The following KIF13A variants were observed in gnomAD, a reference collection of about 807,000 sequenced individuals.
The protein encoded by KIF13A is kinesin-like protein KIF13A.
KIF13A carries 79 observed loss-of-function variants against 212.2 expected under a neutral mutation model. The ratio of observed to expected loss-of-function variants is 0.37; its 90% CI spans 0.31 to 0.45. The LOEUF (loss-of-function observed/expected upper bound fraction) is 0.45. Among genes scored for constraint, KIF13A ranks in the 20% least tolerant of loss-of-function variants. The pLI is 1.00. For synonymous variants in KIF13A, 789 were observed against 808.6 expected (o/e 0.98, Z 0.41); for missense variants, 1,901 against 2,209.0 (o/e 0.86, Z 2.79).
At chr6:17,862,166 C>T (rs911747537) in intron 4 of KIF13A, among the ~76,000 whole-genome samples, 18 of 152,140 alleles carry the variant, frequency 1.2e-4, no homozygotes, top group African/African-American at 4.1e-4. Flanking sequence ...TAGATGTGCA[C>T]CACCACTGTT....
At chr6:17,887,213 A>G (rs1192647053) in intron 3 of KIF13A, among the ~76,000 whole-genome samples, 2 of 152,206 alleles carry the variant, frequency 1.3e-5, no homozygotes, top group Non-Finnish European at 2.9e-5. Flanking sequence ...AGCAAGTCCC[A>G]GATAGGGGTT....
At chr6:17,831,700 A>C (rs1382180526) in intron 12 of KIF13A, among the ~76,000 whole-genome samples, 1 of 148,216 alleles carries the variant, frequency 6.7e-6, no homozygotes, top group African/African-American at 2.5e-5. Flanking sequence ...AGCACACTAA[A>C]GAAAGGTTCT....
intron 6 of KIF13A, among the ~76,000 whole-genome samples, chr6:17,854,127 C>T (rs1221276349): frequency 2.0e-5 from 3 of 152,108 alleles, no homozygotes; most frequent in Non-Finnish European, 1.5e-5. Flanking sequence ...GGTCAAAATG[C>T]ACCAAAGTGT....
chr6:17,867,420 A>G (rs1769510989), intron 4 of KIF13A, among the ~76,000 whole-genome samples: 1 of 152,244 alleles, frequency 6.6e-6, no homozygotes, highest in Non-Finnish European at 1.5e-5. Flanking sequence ...TCAAGTAGCA[A>G]CTACTAGCAT....
rs758427672 is a variant in KIF13A, at chr6:17,836,911, G to A, written c.1122C>T (p.Val374=). ...GAGAGAGCTGCTCTCTCAGTTTCTCGACTTCCTCCCGCAGTTCTCGGATCA... is the reference window on the plus strand; with the variant it reads ...GAGAGAGCTGCTCTCTCAGTTTCTCAACTTCCTCCCGCAGTTCTCGGATCA... ...AKVIRELREE[V]EKLREQLSQA... is the part of the protein sequence containing the mutation. The change falls in exon 11 of 39, where the codon GTC becomes GTT. Residue 374 remains valine (V), a synonymous_variant. Coordinates refer to ENST00000259711, the MANE Select transcript of KIF13A (RefSeq NM_022113.6). 1.9e-6 allele frequency: 3 copies of A among 1,613,682 alleles called. No individual in the cohort carries two copies. Among genetic ancestry groups the A allele is most frequent in the African/African-American group, 2.7e-5 (2 of 74,868 alleles).
In KIF13A at chr6:17,961,498, A is replaced by G. The variant is rs1269513866; in HGVS notation, c.146+25556T>C. On this transcript the variant is annotated intron_variant, in intron 2 of 38. Coordinates refer to ENST00000259711, the MANE Select transcript of KIF13A (RefSeq NM_022113.6). The surrounding 1 kb of genome is among the most constrained non-coding windows in gnomAD (Gnocchi z 4.1). ...CATGTAGAGTCAAATTGAACTTTTA[A>G]TATTTTACCAACTGACTACCATAAA... 6.6e-6 allele frequency among the ~76,000 whole-genome samples: 1 copy of G among 152,210 alleles called. No individual in the cohort carries two copies. Among genetic ancestry groups the G allele is most frequent in the Non-Finnish European group, 1.5e-5 (1 of 68,042 alleles).
At chr6:17,763,492 A>AAG (rs1403081829), downstream of KIF13A, among the ~76,000 whole-genome samples, 1 of 145,684 alleles carries the variant, frequency 6.9e-6, no homozygotes, top group Non-Finnish European at 1.5e-5. Context: ...AAAAAAAAAA[A>AAG]AAAGAAAAAA....
rs1283603645 is a variant in KIF13A at position 17,971,415 on chromosome 6, C to T, written c.146+15639G>A. ...ATAATAAAATATTAAAATTTAGTAG[C>T]GGTTTGTTTTTTTCCTTTTTTTTTG... is the stretch of plus-strand genomic sequence containing the variant. On this transcript the variant is annotated intron_variant, in intron 2 of 38. Coordinates refer to ENST00000259711, the MANE Select transcript of KIF13A (RefSeq NM_022113.6). The surrounding 1 kb of genome is among the most constrained non-coding windows in gnomAD (Gnocchi z 4.2). Among the ~76,000 whole-genome samples the T allele has an allele frequency of 6.6e-6, 1 of 151,910 alleles. No individual in the cohort carries two copies. The highest frequency in any genetic ancestry group is 2.4e-5 in the African/African-American group (1 of 41,342).
At chr6:17,763,305 T>C (rs1249695793), downstream of KIF13A, among the ~76,000 whole-genome samples, 1 of 150,760 alleles carries the variant, frequency 6.6e-6, no homozygotes, top group Non-Finnish European at 1.5e-5. Flanking sequence ...GCCAACATGG[T>C]GAAAATATAA....
At chr6:17,782,991 C>T (rs991485433) in intron 29 of KIF13A, among the ~76,000 whole-genome samples, 72 of 152,180 alleles carry the variant, frequency 4.7e-4, no homozygotes, top group African/African-American at 1.7e-3. Context: ...GCCAAAGCCA[C>T]CCTCCCTGTG....
In KIF13A at chr6:17,837,517, G is replaced by A; in HGVS notation, c.897C>T (p.Ser299=). 6.2e-7 allele frequency: 1 copy of A among 1,609,708 alleles called. No homozygotes were observed. The highest frequency in any genetic ancestry group is 8.5e-7 in the Non-Finnish European group (1 of 1,177,900). ...CTGAATCTCGATAAGGCACAAATTT[G>A]CTTTTACCCTTGCCAGCTGCCTGGT... ...LADQAAGKGK[S]KFVPYRDSVL... is the part of the protein sequence containing the mutation. Residue 299 remains serine (S), a synonymous_variant, in exon 10 of 39, where the codon AGC becomes AGT. Coordinates refer to ENST00000259711, the MANE Select transcript of KIF13A (RefSeq NM_022113.6). The surrounding 1 kb of genome is among the most constrained non-coding windows in gnomAD (Gnocchi z 5.4).
intron 2 of KIF13A, among the ~76,000 whole-genome samples, chr6:17,977,038 C>T (rs1371629912): frequency 6.7e-6 from 1 of 149,802 alleles, no homozygotes; most frequent in East Asian, 2.0e-4. Context: ...GGAAGCAGAG[C>T]TTGCAGTGAG....
chr6:17,817,059 T>C lies in KIF13A; in HGVS notation c.1961A>G (p.Gln654Arg). The change falls in exon 17 of 39, where the codon CAG (glutamine) becomes CGG (arginine). Residue 654 changes from glutamine to arginine, a missense_variant. Around this residue, in one of 5 missense-constraint regions of KIF13A, gnomAD observed 534 missense variants for 536.9 expected, o/e 0.99. Transcript: ENST00000259711. ...SGPDRLAYSS[Q>R]TAQQKVTQWA... The stretch of plus-strand genomic sequence containing the variant: ...CTGGGTCACCTTCTGCTGCGCTGTC[T>C]GGCTGCTGTAGGCCAGGCGGTCAGG... 6.2e-7 allele frequency: 1 copy of C among 1,613,444 alleles called. No individual in the cohort carries two copies. The highest frequency in any genetic ancestry group is 8.5e-7 in the Non-Finnish European group (1 of 1,179,842).
Position 17,982,100 on chromosome 6 carries a change from CT to C in KIF13A, c.146+4953del, listed in dbSNP as rs60619103. ...ATTATATACTTACCAACTGAGCATT[CT>C]TTTTTTTTTTTGAGACAGAGTTTCA... On this transcript the variant is annotated intron_variant, in intron 2 of 38. Transcript: ENST00000259711. This position sits in a 1 kb window ranked among gnomAD's most constrained non-coding sequence, Gnocchi z 5.1. Among the ~76,000 whole-genome samples, 93 of 146,552 alleles carry C rather than the reference CT, an allele frequency of 6.3e-4. No individual in the cohort carries two copies. Among genetic ancestry groups the C allele is most frequent in the Non-Finnish European group, 4.8e-4 (32 of 66,208 alleles).
Position 17,934,036 on chromosome 6 carries a change from C to T in KIF13A, c.147-35856G>A, listed in dbSNP as rs1304759630. Among the ~76,000 whole-genome samples the T allele has an allele frequency of 6.6e-6, 1 of 152,188 alleles. No homozygotes were observed. The highest frequency in any genetic ancestry group is 2.4e-5 in the African/African-American group (1 of 41,436). On this transcript the variant is annotated intron_variant, in intron 2 of 38. Transcript: ENST00000259711. This position sits in a 1 kb window ranked among gnomAD's most constrained non-coding sequence, Gnocchi z 5.4. The stretch of plus-strand genomic sequence containing the variant: ...AGATAAAGAAAGCTGCCTTTTATAA[C>T]TCAATTCAATCTAAATTGTGTCGTT...
At chr6:17,901,105 G>C (rs1314229181) in intron 2 of KIF13A, among the ~76,000 whole-genome samples, 1 of 141,138 alleles carries the variant, frequency 7.1e-6, no homozygotes, top group African/African-American at 2.7e-5. Flanking sequence ...AAAAAAAAAA[G>C]GTCCAATCAC....
At chr6:17,821,284 T>C (rs1374055966) in intron 16 of KIF13A, among the ~76,000 whole-genome samples, 1 of 152,218 alleles carries the variant, frequency 6.6e-6, no homozygotes, top group East Asian at 1.9e-4. Flanking sequence ...GGTTTCTTTT[T>C]ACTTTTAATT....
chr6:17,818,703 CGG>C (rs921808655), intron 16 of KIF13A, among the ~76,000 whole-genome samples: 3 of 152,006 alleles, frequency 2.0e-5, no homozygotes, highest in Admixed American at 6.6e-5. Flanking sequence ...AATGAGGAAA[CGG>C]GGGCTCAAAA....
In KIF13A at chr6:17,951,371, TCCTCTTGCCTTGG is replaced by T; in HGVS notation, c.146+35670_146+35682del. The T allele has an allele frequency of 1.6e-6, 1 of 638,572 alleles. No homozygotes were observed. Among genetic ancestry groups the T allele is most frequent in the Non-Finnish European group, 2.8e-6 (1 of 351,508 alleles). 39.6% of individuals were successfully genotyped at this position (638,572 alleles called of 1,614,324 possible). On this transcript the variant is annotated intron_variant, in intron 2 of 38. Transcript: ENST00000259711. The surrounding 1 kb of genome is among the most constrained non-coding windows in gnomAD (Gnocchi z 4.9). ...GTCTTGAAATCCTCGGCTCAAGTGA[TCCTCTTGCCTTGG>T]CCTCCCAAAGTGCTGGAATTAGAGA...
Sources: allele counts gnomAD v4.1 joint callset (sites outside exome capture counted in the v4.1 genomes callset), GRCh38; gene constraint gnomAD v4.1.1; regional missense constraint gnomAD v4.1.1; non-coding constraint Gnocchi (gnomAD v3.1); transcripts MANE v1.5; gene names NCBI Gene and HGNC (gene_info 2026-07-23, HGNC 2026-07-21).